Variants in WDFY3 observed in about 807,000 individuals in gnomAD.
WDFY3 encodes the protein WD repeat and FYVE domain containing 3, also known as WD repeat and FYVE domain-containing protein 3.
Under a neutral mutation model 409.6 loss-of-function variants are expected in WDFY3, and 66 were observed. The ratio of observed to expected loss-of-function variants is 0.16; its 90% CI spans 0.13 to 0.20. The LOEUF is 0.20. Ranked by LOEUF, WDFY3 falls within the 10% of genes least tolerant of loss-of-function variation. WDFY3 has a pLI of 1.00. For missense variants in WDFY3, 3,031 were observed against 4,298.1 expected, an observed-to-expected ratio of 0.71 and a Z score of 8.24; for synonymous variants, 1,521 against 1,537.1, an observed-to-expected ratio of 0.99 and a Z score of 0.25.
intron 67 of WDFY3, among the ~76,000 whole-genome samples, chr4:84,676,596 GA>G (rs545145767): frequency 4.8e-3 from 627 of 130,226 alleles, no homozygotes; most frequent in African/African-American, 8.3e-3. Flanking sequence ...GATAAAAATA[GA>G]AAAAAAAAAA....
intron 32 of WDFY3, among the ~76,000 whole-genome samples, chr4:84,758,518 G>C (rs1444187888): frequency 1.3e-5 from 2 of 152,144 alleles, no homozygotes; most frequent in East Asian, 3.9e-4. Context: ...AAAGCACTAA[G>C]ATTACAGGCA....
At position 84,921,942 on chromosome 4, in the gene WDFY3, A is replaced by C. The variant is rs1769348693; in HGVS notation, c.-132+10328T>G. On this transcript the variant is annotated intron_variant, in intron 2 of 67. Transcript: ENST00000295888. The stretch of plus-strand genomic sequence containing the variant: ...AGTGCTGGGATCACAGACATGAGCC[A>C]CCGCACCTGGCCTGCTTTCATTTTT... Among the ~76,000 whole-genome samples the C allele has an allele frequency of 2.6e-5, 4 of 151,798 alleles. No individual in the cohort carries two copies. In the South Asian group the frequency reaches 8.3e-4, roughly 32 times the overall value.
intron 8 of WDFY3, among the ~76,000 whole-genome samples, chr4:84,830,296 T>C (rs1015108231): frequency 6.6e-6 from 1 of 152,222 alleles, no homozygotes; most frequent in African/African-American, 2.4e-5. Flanking sequence ...CTGTACTTTA[T>C]GTAACCATAT....
chr4:84,704,248 A>G, intron 55 of WDFY3, 90 bp downstream of exon 55: 1 of 975,262 alleles, frequency 1.0e-6, no homozygotes, highest in Admixed American at 2.9e-5. Flanking sequence ...AGAGCTTCTT[A>G]TAATAGAAGA....
chr4:84,898,888 G>C (rs1579043404), intron 2 of WDFY3, among the ~76,000 whole-genome samples: 2 of 152,262 alleles, frequency 1.3e-5, no homozygotes, highest in Middle Eastern at 3.4e-3. Flanking sequence ...TAACACCTAA[G>C]TTATCATCAA....
At position 84,797,983 on chromosome 4, in the gene WDFY3, T is replaced by C. The variant is rs1198453335; in HGVS notation, c.2935+13A>G. The C allele has an allele frequency of 1.3e-6, 2 of 1,582,798 alleles. No homozygotes were observed. The highest frequency in any genetic ancestry group is 1.7e-6 in the Non-Finnish European group (2 of 1,162,240). ...TCATAAAATAAATCAAAAAAGGGAA[T>C]TTCAAAACTTACTTCTCATTTCTGG... On this transcript the variant is annotated intron_variant, in intron 18 of 67. Coordinates refer to ENST00000295888, the MANE Select transcript of WDFY3 (RefSeq NM_014991.6).
intron 67 of WDFY3, among the ~76,000 whole-genome samples, chr4:84,676,314 G>T (rs1252064368): frequency 6.6e-6 from 1 of 152,140 alleles, no homozygotes; most frequent in African/African-American, 2.4e-5. Context: ...AAACAACAAA[G>T]CACTATTTTT....
Position 84,732,212 on chromosome 4 carries a change from A to AT in WDFY3, c.7221+1169dup, listed in dbSNP as rs1459835439. 3.3e-5 allele frequency among the ~76,000 whole-genome samples: 5 copies of AT among 152,318 alleles called. No homozygotes were observed. The East Asian group carries it at 7.7e-4, about 24-fold the overall frequency. ...TAGAGAGCTATCTTCCAAAATCTTA[A>AT]TAACTATCAGCAGGAGCTAAGACCT... On this transcript the variant is annotated intron_variant, in intron 44 of 67. Coordinates refer to ENST00000295888, the MANE Select transcript of WDFY3 (RefSeq NM_014991.6).
chr4:84,731,142 T>G (rs1736532949), intron 44 of WDFY3, among the ~76,000 whole-genome samples: 1 of 152,176 alleles, frequency 6.6e-6, no homozygotes, highest in Non-Finnish European at 1.5e-5. Flanking sequence ...TGTGTTGGGT[T>G]GCATTCAAAG....
chr4:84,858,032 C>A (rs2150177756), intron 4 of WDFY3, among the ~76,000 whole-genome samples: 1 of 152,266 alleles, frequency 6.6e-6, no homozygotes, highest in East Asian at 1.9e-4. Flanking sequence ...CTAATCAATT[C>A]TTTTATTGCC....
intron 7 of WDFY3, among the ~76,000 whole-genome samples, chr4:84,834,566 G>A (rs1038136337): frequency 5.3e-5 from 8 of 151,840 alleles, no homozygotes; most frequent in East Asian, 1.9e-4. Context: ...CACAAAAATC[G>A]CTTGAACCCA....
chr4:84,795,794 C>G (rs1392910020), intron 19 of WDFY3, among the ~76,000 whole-genome samples: 1 of 151,764 alleles, frequency 6.6e-6, no homozygotes, highest in Admixed American at 6.6e-5. Flanking sequence ...ACTCTAATAG[C>G]TAACAGATCT....
intron 3 of WDFY3, among the ~76,000 whole-genome samples, chr4:84,893,729 G>GT (rs1210605668): frequency 5.3e-5 from 8 of 152,228 alleles, no homozygotes; most frequent in African/African-American, 1.9e-4. Flanking sequence ...GCTCACGCCT[G>GT]TAATTCCAAA....
chr4:84,928,012 G>C (rs1009971512), intron 2 of WDFY3, among the ~76,000 whole-genome samples: 4 of 152,218 alleles, frequency 2.6e-5, no homozygotes, highest in African/African-American at 9.6e-5. Context: ...AGGTGTGTCT[G>C]TGAAGGTGTT....
chr4:84,753,555 A>G, intron 35 of WDFY3, 142 bp downstream of exon 35: 7 of 910,194 alleles, frequency 7.7e-6, no homozygotes, highest in Non-Finnish European at 1.1e-5. Flanking sequence ...ATAATGCAAG[A>G]GGTGATGTAT....
intron 2 of WDFY3, among the ~76,000 whole-genome samples, chr4:84,908,374 T>A (rs547643160): frequency 6.6e-6 from 1 of 152,222 alleles, no homozygotes; most frequent in East Asian, 1.9e-4. Flanking sequence ...CATCAATATC[T>A]CCAGAACACT....
At chr4:84,759,088 A>G (rs1036393366) in intron 32 of WDFY3, among the ~76,000 whole-genome samples, 5 of 152,100 alleles carry the variant, frequency 3.3e-5, no homozygotes, top group Admixed American at 3.3e-4. Context: ...TGTTTTTCTC[A>G]GGTTTGTCAA....
At chr4:84,907,895 C>T (rs1286985532) in intron 2 of WDFY3, among the ~76,000 whole-genome samples, 2 of 151,970 alleles carry the variant, frequency 1.3e-5, no homozygotes, top group African/African-American at 4.8e-5. Context: ...ACCTCAACAC[C>T]CAGAACACAA....
intron 3 of WDFY3, among the ~76,000 whole-genome samples, chr4:84,865,045 T>C (rs1240931970): frequency 2.6e-5 from 4 of 152,032 alleles, no homozygotes; most frequent in African/African-American, 9.7e-5. Flanking sequence ...TGCACCACCA[T>C]GCCTGTCTAA....
Sources: allele counts gnomAD v4.1 joint callset (sites outside exome capture counted in the v4.1 genomes callset), GRCh38; gene constraint gnomAD v4.1.1; transcripts MANE v1.5; gene names NCBI Gene and HGNC (gene_info 2026-07-23, HGNC 2026-07-21).